CHSY3: variants seen among roughly 807,000 people sequenced by gnomAD.
CHSY3 encodes the protein chondroitin sulfate synthase 3.
In CHSY3, 35 loss-of-function variants were observed where a neutral mutation model predicts 67.2. That is an observed-to-expected ratio of 0.52 (90% CI 0.40 to 0.69). CHSY3 has a LOEUF of 0.69. Ranked by LOEUF, CHSY3 falls within the 30% of genes least tolerant of loss-of-function variation. The pLI is 0.00. For missense variants in CHSY3, 1,069 were observed against 1,138.5 expected, an observed-to-expected ratio of 0.94 and a Z score of 0.88; for synonymous variants, 474 against 434.7, an observed-to-expected ratio of 1.09 and a Z score of -1.12.
chr5:130,157,567 T>G (rs1338995641), intron 2 of CHSY3, among the ~76,000 whole-genome samples: 2 of 152,112 alleles, frequency 1.3e-5, no homozygotes, highest in East Asian at 3.9e-4. Context: ...AGAGAAAAAT[T>G]TTCTATGGGT....
At chr5:130,139,511 G>A (rs200836076) in intron 2 of CHSY3, among the ~76,000 whole-genome samples, 7 of 152,116 alleles carry the variant, frequency 4.6e-5, no homozygotes, top group Non-Finnish European at 7.4e-5. Flanking sequence ...TTAGAAGATC[G>A]AACAAAAGCA....
intron 2 of CHSY3, among the ~76,000 whole-genome samples, chr5:129,918,830 G>A (rs538180580): frequency 3.2e-4 from 48 of 149,966 alleles, no homozygotes; most frequent in African/African-American, 1.1e-3. Flanking sequence ...AAAATTGGCC[G>A]GGCGCGGTGG....
At chr5:129,934,847 A>G (rs1157403883) in intron 2 of CHSY3, among the ~76,000 whole-genome samples, 1 of 152,198 alleles carries the variant, frequency 6.6e-6, no homozygotes, top group Non-Finnish European at 1.5e-5. Flanking sequence ...CGTAGGTCTC[A>G]CTGAGAGGGA....
intron 2 of CHSY3, among the ~76,000 whole-genome samples, chr5:130,087,008 G>C: frequency 6.6e-6 from 1 of 151,432 alleles, no homozygotes; most frequent in African/African-American, 2.4e-5. Flanking sequence ...ACATCAAAAA[G>C]CTTATCCACC....
At chr5:129,915,603 C>T (rs1399752157) in intron 2 of CHSY3, among the ~76,000 whole-genome samples, 3 of 152,108 alleles carry the variant, frequency 2.0e-5, no homozygotes, top group Admixed American at 2.0e-4. Context: ...TCTTCACAGT[C>T]AGTGGTATCT....
chr5:130,006,672 TATG>T (rs1321571338), intron 2 of CHSY3, among the ~76,000 whole-genome samples: 3 of 152,188 alleles, frequency 2.0e-5, no homozygotes, highest in African/African-American at 4.8e-5. Context: ...TGTGAAATAA[TATG>T]ATATTTTTAA....
intron 2 of CHSY3, among the ~76,000 whole-genome samples, chr5:129,925,098 A>T (rs1041806946): frequency 5.9e-5 from 9 of 152,202 alleles, no homozygotes; most frequent in Admixed American, 5.9e-4. Context: ...GAGCTATATT[A>T]TGCAGGAAAG....
At chr5:130,097,632 C>T (rs928447659) in intron 2 of CHSY3, among the ~76,000 whole-genome samples, 1 of 152,190 alleles carries the variant, frequency 6.6e-6, no homozygotes, top group Admixed American at 6.5e-5. Context: ...AGTGTAACTA[C>T]GTGTTAAGAT....
chr5:130,089,083 G>A (rs1180490363), intron 2 of CHSY3, among the ~76,000 whole-genome samples: 2 of 152,032 alleles, frequency 1.3e-5, no homozygotes, highest in East Asian at 3.9e-4. Flanking sequence ...GGACATGGAA[G>A]AAATTGGAAA....
chr5:129,937,862 C>T (rs910248495), intron 2 of CHSY3, among the ~76,000 whole-genome samples: 19 of 152,130 alleles, frequency 1.2e-4, no homozygotes, highest in Non-Finnish European at 2.4e-4. Flanking sequence ...GCTCCCAAGG[C>T]CTTGGGAAGC....
chr5:129,936,324 A>G (rs1054367200), intron 2 of CHSY3, among the ~76,000 whole-genome samples: 2 of 152,166 alleles, frequency 1.3e-5, no homozygotes, highest in African/African-American at 2.4e-5. Context: ...AATTTTTTTT[A>G]AAAAGGATCT....
chr5:130,180,120 T>C (rs979621184), intron 2 of CHSY3, among the ~76,000 whole-genome samples: 3 of 152,174 alleles, frequency 2.0e-5, no homozygotes, highest in African/African-American at 7.2e-5. Context: ...TTCTTGGTGC[T>C]TTCTGAGATC....
At chr5:130,020,461 A>ATTT (rs1196155924) in intron 2 of CHSY3, among the ~76,000 whole-genome samples, 26 of 79,868 alleles carry the variant, frequency 3.3e-4, no homozygotes, top group African/African-American at 7.3e-4. Flanking sequence ...ATATATATAT[A>ATTT]TTTTTTTTTT....
intron 2 of CHSY3, among the ~76,000 whole-genome samples, chr5:129,998,415 T>A (rs1763613444): frequency 1.3e-5 from 2 of 152,194 alleles, no homozygotes; most frequent in African/African-American, 4.8e-5. Context: ...TTGTTTTGTG[T>A]TTTGATATTT....
At chr5:130,134,342 T>C (rs73247008) in intron 2 of CHSY3, among the ~76,000 whole-genome samples, 1,994 of 152,306 alleles carry the variant, frequency 0.013, 50 homozygotes, top group African/African-American at 0.046. Context: ...GCCTTAGACA[T>C]CAAAATATAT....
chr5:130,069,220 A>G (rs1765981785), intron 2 of CHSY3, among the ~76,000 whole-genome samples: 1 of 152,066 alleles, frequency 6.6e-6, no homozygotes, highest in African/African-American at 2.4e-5. Context: ...ATCTTCTTGG[A>G]CATGGGATGT....
intron 2 of CHSY3, among the ~76,000 whole-genome samples, chr5:130,026,601 T>A (rs2149657272): frequency 6.6e-6 from 1 of 152,248 alleles, no homozygotes; most frequent in South Asian, 2.1e-4. Context: ...TATAAGAAAA[T>A]CATGCTTACT....
intron 2 of CHSY3, among the ~76,000 whole-genome samples, chr5:129,909,445 T>C (rs2149575334): frequency 6.6e-6 from 1 of 152,132 alleles, no homozygotes; most frequent in Admixed American, 6.5e-5. Flanking sequence ...GTAAGTGTAG[T>C]CTCACTATAG....
At chr5:130,162,057 A>AAAAAG (rs1554087189) in intron 2 of CHSY3, among the ~76,000 whole-genome samples, 1,820 of 122,922 alleles carry the variant, frequency 0.015, 50 homozygotes, top group African/African-American at 0.025. Flanking sequence ...AAAAAAAAAA[A>AAAAAG]AAAGAAAGAA....
Sources: gnomAD v4.1 joint callset for allele counts (sites outside exome capture counted in the v4.1 genomes callset) on GRCh38, gnomAD v4.1.1 for gene constraint, MANE v1.5 for transcripts, NCBI Gene and HGNC (gene_info 2026-07-23, HGNC 2026-07-21) for gene names.